The following TBC1D5 variants were observed in gnomAD, a reference collection of about 807,000 sequenced individuals.
TBC1D5 encodes the protein TBC1 domain family member 5.
In TBC1D5, 75 loss-of-function variants were observed where a neutral mutation model predicts 100.3. The ratio of observed to expected loss-of-function variants is 0.75; its 90% CI spans 0.62 to 0.91. The LOEUF is 0.91. Among genes scored for constraint, TBC1D5 ranks in the 40% least tolerant of loss-of-function variants. The probability of loss-of-function intolerance (pLI) is 0.00; values close to 1 mark genes in which losing one functional copy is unlikely to be tolerated. For synonymous variants in TBC1D5, 323 were observed against 325.6 expected (o/e 0.99, Z 0.09); for missense variants, 910 against 942.4 (o/e 0.97, Z 0.45).
chr3:17,574,260 T>C (rs746959418), intron 2 of TBC1D5, among the ~76,000 whole-genome samples: 1 of 152,032 alleles, frequency 6.6e-6, no homozygotes, highest in African/African-American at 2.4e-5. Flanking sequence ...GCTCCTTCCA[T>C]TGCCTCCAAA....
At chr3:17,599,005 G>A (rs2060755935) in intron 2 of TBC1D5, among the ~76,000 whole-genome samples, 3 of 152,220 alleles carry the variant, frequency 2.0e-5, no homozygotes, top group African/African-American at 7.2e-5. Flanking sequence ...TTGTGGCTAT[G>A]GAGGACTGAG....
chr3:17,685,179 G>A (rs545918123), intron 1 of TBC1D5, among the ~76,000 whole-genome samples: 69 of 151,448 alleles, frequency 4.6e-4, no homozygotes, highest in Non-Finnish European at 7.1e-4. Flanking sequence ...AAAAAAAGCT[G>A]AAATTTTATC....
intron 1 of TBC1D5, among the ~76,000 whole-genome samples, chr3:17,730,051 C>T (rs542426455): frequency 3.3e-5 from 5 of 151,758 alleles, no homozygotes; most frequent in African/African-American, 1.2e-4. Context: ...GCGGAGGTTG[C>T]AGTGAGCCAA....
intron 8 of TBC1D5, among the ~76,000 whole-genome samples, chr3:17,392,610 C>A (rs553709283): frequency 1.3e-5 from 2 of 152,002 alleles, no homozygotes; most frequent in Non-Finnish European, 2.9e-5. Context: ...TGAGAACATG[C>A]GGTGTTTGGT....
intron 2 of TBC1D5, among the ~76,000 whole-genome samples, chr3:17,581,891 G>C (rs774227339): frequency 6.6e-6 from 1 of 152,196 alleles, no homozygotes; most frequent in African/African-American, 2.4e-5. Flanking sequence ...CCTTGAGGCT[G>C]TTCTGTGAAT....
intron 2 of TBC1D5, among the ~76,000 whole-genome samples, chr3:17,615,418 T>A (rs1393305535): frequency 6.6e-6 from 1 of 152,184 alleles, no homozygotes; most frequent in Non-Finnish European, 1.5e-5. Context: ...TTAGGGAGGA[T>A]TCCCTCTTTT....
At chr3:17,583,616 A>C (rs141749056) in intron 2 of TBC1D5, among the ~76,000 whole-genome samples, 1 of 152,118 alleles carries the variant, frequency 6.6e-6, no homozygotes, top group Non-Finnish European at 1.5e-5. Flanking sequence ...AGTCCCAGCT[A>C]CTCAGGGGGC....
exon 1 of TBC1D5, chr3:17,740,246 T>C (rs1027230624): frequency 5.3e-5 from 8 of 151,352 alleles, no homozygotes; most frequent in African/African-American, 1.7e-4. Context: ...GAGAAGTGTT[T>C]GAAACCATGA....
At chr3:17,167,606 G>C in intron 20 of TBC1D5, 143 bp downstream of exon 21, 1 of 686,420 alleles carries the variant, frequency 1.5e-6, no homozygotes, top group East Asian at 2.8e-5. Context: ...GCACAAAGAG[G>C]TGGTGATGCA....
intron 4 of TBC1D5, among the ~76,000 whole-genome samples, chr3:17,411,454 G>C (rs2093922551): frequency 6.6e-6 from 1 of 152,100 alleles, no homozygotes; most frequent in Admixed American, 6.6e-5. Flanking sequence ...ATAGCTTGTA[G>C]TCTGTGAACA....
intron 13 of TBC1D5, chr3:17,333,053 C>T (rs1398759372): frequency 6.6e-6 from 1 of 152,174 alleles, no homozygotes; most frequent in Non-Finnish European, 1.5e-5. Context: ...TGTTCATATG[C>T]TACAAATAAT....
At chr3:17,727,261 A>G (rs914516514) in intron 1 of TBC1D5, among the ~76,000 whole-genome samples, 2 of 152,086 alleles carry the variant, frequency 1.3e-5, no homozygotes, top group African/African-American at 4.8e-5. Context: ...CATGCCTGTA[A>G]TCCCAGCTAC....
chr3:17,186,743 A>AT (rs2069153113), intron 18 of TBC1D5, among the ~76,000 whole-genome samples: 2 of 134,432 alleles, frequency 1.5e-5, no homozygotes, highest in Admixed American at 7.3e-5. Flanking sequence ...AAAAAAAAAA[A>AT]ATTAAAAAAA....
intron 4 of TBC1D5, among the ~76,000 whole-genome samples, chr3:17,411,217 G>A (rs1231091300): frequency 6.8e-6 from 1 of 147,574 alleles, no homozygotes; most frequent in African/African-American, 2.5e-5. Context: ...TTTTTTTTTT[G>A]CAATAAGGTA....
intron 15 of TBC1D5, among the ~76,000 whole-genome samples, chr3:17,289,334 G>A (rs2081483570): frequency 6.6e-6 from 1 of 152,110 alleles, no homozygotes; most frequent in African/African-American, 2.4e-5. Flanking sequence ...GGCAGGCCCA[G>A]GGCTGAGTGA....
At position 17,415,710 on chromosome 3, in the gene TBC1D5, G is replaced by C. The variant is rs193286205; in HGVS notation, c.168-9184C>G. Among the ~76,000 whole-genome samples, 126 of 152,218 alleles carry C rather than the reference G, an allele frequency of 8.3e-4. No individual in the cohort carries two copies. In the Middle Eastern group the frequency reaches 0.017, roughly 21 times the overall value. On this transcript the variant is annotated intron_variant, in intron 4 of 21. Transcript: ENST00000253692. Reference sequence around the variant, plus strand: ...TAAAGGACTGGCATTTAGAAATGAAGTGAGAAAAGGATCCTATACCAGCAA... The same window carrying C: ...TAAAGGACTGGCATTTAGAAATGAACTGAGAAAAGGATCCTATACCAGCAA...
chr3:17,318,342 C>T lies in TBC1D5; in HGVS notation c.996-10208G>A, dbSNP rs1341731402. ...TGTATACATATGTAACAAACCTGCA[C>T]ATTGTGCACATGTACCCTAAAACTT... On this transcript the variant is annotated intron_variant, in intron 13 of 21. Transcript: ENST00000253692. Among the ~76,000 whole-genome samples, 3 of 151,964 alleles carry T rather than the reference C, an allele frequency of 2.0e-5. No individual in the cohort carries two copies. The South Asian group carries it at 6.2e-4, about 32-fold the overall frequency.
At chr3:17,161,103 C>A (rs1559323559) in exon 22 of TBC1D5, 1 of 1,614,170 alleles carries the variant, frequency 6.2e-7, no homozygotes, top group Non-Finnish European at 8.5e-7. Flanking sequence ...CAGACTGGGG[C>A]CTGGCTTTTC....
At chr3:17,543,551 C>T (rs1218142173) in intron 2 of TBC1D5, among the ~76,000 whole-genome samples, 1 of 151,958 alleles carries the variant, frequency 6.6e-6, no homozygotes. Flanking sequence ...GGTGGGAGGA[C>T]TGATTGAGCC....
Sources: allele counts gnomAD v4.1 joint callset (sites outside exome capture counted in the v4.1 genomes callset), GRCh38; gene constraint gnomAD v4.1.1; transcripts MANE v1.5; gene names NCBI Gene and HGNC (gene_info 2026-07-23, HGNC 2026-07-21).